The following LYRM4 variants were observed in gnomAD, a reference collection of about 807,000 sequenced individuals.
LYRM4 encodes the protein LYR motif containing 4.
In LYRM4, 9 loss-of-function variants were observed where a neutral mutation model predicts 11.7. The observed-to-expected ratio is 0.77, with a 90% CI of 0.46 to 1.34. LYRM4 has a LOEUF of 1.34. Ranked by LOEUF, LYRM4 falls within the 40% of genes most tolerant of loss-of-function variation. The pLI is 0.00. For synonymous variants in LYRM4, 42 were observed against 40.4 expected (o/e 1.04, Z -0.15); for missense variants, 133 against 112.5 (o/e 1.18, Z -0.82).
intron 2 of LYRM4, among the ~76,000 whole-genome samples, chr6:5,112,444 G>A (rs981743718): frequency 6.6e-6 from 1 of 152,190 alleles, no homozygotes; most frequent in Non-Finnish European, 1.5e-5. Flanking sequence ...CAGGCAGGCA[G>A]GGCTCTTTCC....
chr6:5,222,722 A>T (rs183411333), intron 1 of LYRM4, among the ~76,000 whole-genome samples: 1 of 151,272 alleles, frequency 6.6e-6, no homozygotes, highest in African/African-American at 2.4e-5. Context: ...AAAAGTATAG[A>T]AGTTATATTA....
chr6:5,160,042 G>A (rs1268438251), intron 2 of LYRM4, among the ~76,000 whole-genome samples: 3 of 152,082 alleles, frequency 2.0e-5, no homozygotes, highest in East Asian at 1.9e-4. Flanking sequence ...GAAGCAGTTC[G>A]AGGACCACCC....
chr6:5,090,388 C>G, the LYRM4 span, among the ~76,000 whole-genome samples: 15 of 152,246 alleles, frequency 9.9e-5, no homozygotes, highest in African/African-American at 2.9e-4. The surrounding 1 kb of genome is among the most constrained non-coding windows in gnomAD (Gnocchi z 4.8). Context: ...GTTTATGAAG[C>G]AAGGTGGTCA....
chr6:5,086,481 C>A, the LYRM4 span: 2 of 1,537,414 alleles, frequency 1.3e-6, no homozygotes, highest in Non-Finnish European at 1.7e-6. Context: ...TCTGCTACCG[C>A]TGCGCGCAGG....
chr6:5,085,728 C>T, the LYRM4 span: 1 of 1,544,938 alleles, frequency 6.5e-7, no homozygotes, highest in South Asian at 1.2e-5. Context: ...GCCGCTGCCG[C>T]GCGCGCTCCT....
At position 5,109,138 on chromosome 6, in the gene LYRM4, G is replaced by A. The variant is rs1210315775; in HGVS notation, c.*285C>T. 1.6e-6 allele frequency: 2 copies of A among 1,266,484 alleles called. No individual in the cohort carries two copies. The highest frequency in any genetic ancestry group is 2.0e-6 in the Non-Finnish European group (2 of 997,612). 78.5% of individuals were successfully genotyped at this position (1,266,484 alleles called of 1,614,324 possible). A position where few individuals can be genotyped will look rare whatever the true frequency, so the allele number is the denominator to read the frequency against. Reference sequence around the variant, plus strand: ...AAGTGTAGAAATGCTATACACAATGGTCATGAGCTACAAGGTAGGAATGGG... The same window carrying A: ...AAGTGTAGAAATGCTATACACAATGATCATGAGCTACAAGGTAGGAATGGG... On this transcript the variant is annotated 3_prime_UTR_variant, in exon 3 of 3. Transcript: ENST00000330636.
At chr6:5,152,553 G>C (rs1199804512) in intron 2 of LYRM4, among the ~76,000 whole-genome samples, 1 of 152,202 alleles carries the variant, frequency 6.6e-6, no homozygotes, top group African/African-American at 2.4e-5. Flanking sequence ...GGAGGCAAAC[G>C]GAGAAGTGAG....
At chr6:5,044,378 G>A in the LYRM4 span, among the ~76,000 whole-genome samples, 6 of 152,118 alleles carry the variant, frequency 3.9e-5, no homozygotes, top group Non-Finnish European at 7.4e-5. Flanking sequence ...TGATCTGCCC[G>A]CCTCGGCCTC....
chr6:5,091,104 G>A, the LYRM4 span, among the ~76,000 whole-genome samples: 1 of 152,190 alleles, frequency 6.6e-6, no homozygotes, highest in Non-Finnish European at 1.5e-5. Flanking sequence ...AACTCAACTG[G>A]CAACACGGAT....
chr6:5,184,391 A>C (rs903873184), intron 2 of LYRM4, among the ~76,000 whole-genome samples: 1 of 152,168 alleles, frequency 6.6e-6, no homozygotes, highest in Non-Finnish European at 1.5e-5. Context: ...CTTTTTCCCC[A>C]TTAGAAGGCA....
chr6:5,254,483 TA>T (rs1764580456), intron 1 of LYRM4, among the ~76,000 whole-genome samples: 1 of 152,218 alleles, frequency 6.6e-6, no homozygotes, highest in South Asian at 2.1e-4. Flanking sequence ...ATCCTAGTTA[TA>T]ATAATTTAAA....
At chr6:5,073,038 G>A in the LYRM4 span, among the ~76,000 whole-genome samples, 2 of 151,978 alleles carry the variant, frequency 1.3e-5, no homozygotes, top group African/African-American at 4.8e-5. Flanking sequence ...GGAAAATTTT[G>A]GAAGACCTTT....
intron 1 of LYRM4, among the ~76,000 whole-genome samples, chr6:5,226,193 A>C (rs1480564566): frequency 6.6e-6 from 1 of 152,092 alleles, no homozygotes; most frequent in Non-Finnish European, 1.5e-5. Context: ...TCTGTGTTAC[A>C]CATCATATGT....
the LYRM4 span, among the ~76,000 whole-genome samples, chr6:5,071,633 T>C: frequency 4.1e-4 from 62 of 152,056 alleles, no homozygotes; most frequent in South Asian, 0.01. Context: ...TATATATATG[T>C]GTATGTGTGT....
At chr6:5,194,476 C>A (rs1030905236) in intron 2 of LYRM4, among the ~76,000 whole-genome samples, 1 of 152,118 alleles carries the variant, frequency 6.6e-6, no homozygotes, top group Admixed American at 6.5e-5. Context: ...TGAGGTACAA[C>A]CAGAACTGGG....
chr6:5,117,671 T>C (rs1763184714), intron 2 of LYRM4, among the ~76,000 whole-genome samples: 1 of 152,136 alleles, frequency 6.6e-6, no homozygotes, highest in Non-Finnish European at 1.5e-5. Context: ...CTCTATAGCA[T>C]ATTTATGCCT....
chr6:5,227,380 GA>G (rs1300295867), intron 1 of LYRM4, among the ~76,000 whole-genome samples: 1 of 152,182 alleles, frequency 6.6e-6, no homozygotes, highest in African/African-American at 2.4e-5. Context: ...GGTCAACGTA[GA>G]GGCAGGAAAG....
chr6:5,081,212 C>T, the LYRM4 span, among the ~76,000 whole-genome samples: 1 of 147,776 alleles, frequency 6.8e-6, no homozygotes, highest in African/African-American at 2.6e-5. Context: ...TAACTATTAA[C>T]TTCAGGGCTT....
At chr6:5,144,624 CAAAAAAAAAAAAAAA>C (rs71540849) in intron 2 of LYRM4, among the ~76,000 whole-genome samples, 4 of 37,600 alleles carry the variant, frequency 1.1e-4, no homozygotes, top group East Asian at 2.1e-3. Flanking sequence ...GACTCCGTCT[CAAAAAAAAAAAAAAA>C]AAAAAAAAAA....
Sources: gnomAD v4.1 joint callset for allele counts (sites outside exome capture counted in the v4.1 genomes callset) on GRCh38, gnomAD v4.1.1 for gene constraint, Gnocchi (gnomAD v3.1) non-coding constraint, MANE v1.5 for transcripts, NCBI Gene and HGNC (gene_info 2026-07-23, HGNC 2026-07-21) for gene names.